The following MLLT3 variants were observed in gnomAD, a reference collection of about 807,000 sequenced individuals.
MLLT3 encodes the protein protein AF-9.
Under a neutral mutation model 53.2 loss-of-function variants are expected in MLLT3, and 4 were observed. The observed-to-expected ratio is 0.08, with a 90% CI of 0.04 to 0.17. MLLT3 has a LOEUF of 0.17. MLLT3 is among the 10% of genes least tolerant of loss of function. The pLI is 1.00. For missense variants in MLLT3, 569 were observed against 684.0 expected, an observed-to-expected ratio of 0.83 and a Z score of 1.87; for synonymous variants, 283 against 230.6, an observed-to-expected ratio of 1.23 and a Z score of -2.06.
chr9:20,587,379 C>G (rs58537607), intron 2 of MLLT3, among the ~76,000 whole-genome samples: 3,915 of 152,122 alleles, frequency 0.026, 160 homozygotes, highest in African/African-American at 0.089. Flanking sequence ...GATAAGAAAG[C>G]AGACACTCTT....
intron 2 of MLLT3, among the ~76,000 whole-genome samples, chr9:20,459,015 C>T (rs80281617): frequency 0.085 from 12,882 of 152,116 alleles, 1,544 homozygotes; most frequent in African/African-American, 0.26. Flanking sequence ...AGACAGCCTA[C>T]ATTTTCTCTC....
At chr9:20,518,197 T>A (rs1329511162) in intron 2 of MLLT3, among the ~76,000 whole-genome samples, 1 of 151,942 alleles carries the variant, frequency 6.6e-6, no homozygotes, top group African/African-American at 2.4e-5. Context: ...AATAAAAAAT[T>A]AGCCGGGCGT....
chr9:20,398,260 G>T (rs1009278734), intron 5 of MLLT3, among the ~76,000 whole-genome samples: 1 of 151,828 alleles, frequency 6.6e-6, no homozygotes, highest in Non-Finnish European at 1.5e-5. Context: ...TTATTTTTTA[G>T]TTTTTTTAGA....
intron 4 of MLLT3, among the ~76,000 whole-genome samples, chr9:20,443,347 A>G (rs1175667891): frequency 1.3e-5 from 2 of 152,208 alleles, no homozygotes; most frequent in Non-Finnish European, 1.5e-5. Context: ...TGCTGGTCAT[A>G]TATGTGAACT....
intron 5 of MLLT3, chr9:20,382,341 T>C (rs567029342): frequency 1.3e-5 from 2 of 152,050 alleles, no homozygotes; most frequent in South Asian, 4.2e-4. Context: ...AGTTTATCTT[T>C]AAAAATTAGA....
In MLLT3 at chr9:20,620,576, G is replaced by C. The variant is rs2073855; in HGVS notation, c.193+78C>G. ...GAGCGCGGCGCGGGGGGCGGGGAGC[G>C]GGACAGCGGGACCGCCCGGGCCAAG... On this transcript the variant is annotated intron_variant, in intron 2 of 10. Transcript: ENST00000380338. The surrounding 1 kb of genome is among the most constrained non-coding windows in gnomAD (Gnocchi z 6.1). 12 of 1,327,920 alleles carry C rather than the reference G, an allele frequency of 9.0e-6. No individual in the cohort carries two copies. The East Asian group carries it at 1.1e-4, about 12-fold the overall frequency. The allele number at this position is 1,327,920 out of a possible 1,614,324, so 82.3% of individuals were successfully genotyped here.
At chr9:20,609,899 C>T (rs903742645) in intron 2 of MLLT3, among the ~76,000 whole-genome samples, 2 of 151,990 alleles carry the variant, frequency 1.3e-5, no homozygotes, top group Non-Finnish European at 2.9e-5. Flanking sequence ...TATCATTCTC[C>T]GAACTACTAC....
In MLLT3 at chr9:20,527,385, T is replaced by C. The variant is rs539333282; in HGVS notation, c.194-70599A>G. On this transcript the variant is annotated intron_variant, in intron 2 of 10. Coordinates refer to ENST00000380338, the MANE Select transcript of MLLT3 (RefSeq NM_004529.4). ...TCTTTCCTAAGGTTCAAATCTTTAC[T>C]GGGCACAAAATAGGTTGGATAAAAA... Among the ~76,000 whole-genome samples, 2 of 152,324 alleles carry C rather than the reference T, an allele frequency of 1.3e-5. 1 individual carries two copies. Among genetic ancestry groups the C allele is most frequent in the African/African-American group, 4.8e-5 (2 of 41,586 alleles).
intron 2 of MLLT3, among the ~76,000 whole-genome samples, chr9:20,486,647 T>C (rs949961790): frequency 1.1e-4 from 16 of 152,172 alleles, no homozygotes; most frequent in Admixed American, 2.6e-4. Context: ...ACAATGCAAA[T>C]TGGTATCACC....
chr9:20,565,506 C>G (rs899203447), intron 2 of MLLT3, among the ~76,000 whole-genome samples: 13 of 152,036 alleles, frequency 8.6e-5, no homozygotes, highest in African/African-American at 3.1e-4. Context: ...GTCCTCCCCA[C>G]TCTCATAATC....
intron 2 of MLLT3, among the ~76,000 whole-genome samples, chr9:20,509,258 G>A (rs868589813): frequency 6.6e-6 from 1 of 152,106 alleles, no homozygotes; most frequent in African/African-American, 2.4e-5. Context: ...CAATCTTTTT[G>A]TTTTATGGTG....
At position 20,479,918 on chromosome 9, in the gene MLLT3, G is replaced by A. The variant is rs555269546; in HGVS notation, c.194-23132C>T. Among the ~76,000 whole-genome samples the A allele has an allele frequency of 1.4e-4, 21 of 152,266 alleles. No homozygotes were observed. In the South Asian group the frequency reaches 3.7e-3, roughly 27 times the overall value. Reference sequence around the variant, plus strand: ...ATGTGATACAACAGCTGAGTTATGTGAAAGTGTAAGTAGAAATTACCTAAT... The same window carrying A: ...ATGTGATACAACAGCTGAGTTATGTAAAAGTGTAAGTAGAAATTACCTAAT... On this transcript the variant is annotated intron_variant, in intron 2 of 10. Coordinates refer to ENST00000380338, the MANE Select transcript of MLLT3 (RefSeq NM_004529.4).
intron 4 of MLLT3, among the ~76,000 whole-genome samples, chr9:20,423,969 T>TAATGCAC: frequency 6.6e-6 from 1 of 152,138 alleles, no homozygotes; most frequent in Non-Finnish European, 1.5e-5. Context: ...AAACTCAAAA[T>TAATGCAC]AATGCACAAT....
chr9:20,355,051 A>G (rs1432668328), intron 8 of MLLT3, among the ~76,000 whole-genome samples, 172 bp from the exon 9 acceptor site: 1 of 151,628 alleles, frequency 6.6e-6, no homozygotes, highest in Non-Finnish European at 1.5e-5. Context: ...TTCCTTGGAA[A>G]ATGAATTACT....
At chr9:20,405,026 T>C (rs890631575) in intron 5 of MLLT3, among the ~76,000 whole-genome samples, 5 of 152,184 alleles carry the variant, frequency 3.3e-5, no homozygotes, top group Non-Finnish European at 7.3e-5. Context: ...GAGTGCAACC[T>C]TTAGATAATA....
At chr9:20,365,146 T>C (rs1821417918) in intron 6 of MLLT3, among the ~76,000 whole-genome samples, 1 of 152,222 alleles carries the variant, frequency 6.6e-6, no homozygotes, top group South Asian at 2.1e-4. Context: ...ATAATCCTTT[T>C]GTAGCAATGA....
intron 2 of MLLT3, among the ~76,000 whole-genome samples, chr9:20,582,535 A>G (rs1429997231): frequency 6.6e-6 from 1 of 152,146 alleles, no homozygotes; most frequent in Non-Finnish European, 1.5e-5. Context: ...GGCAATATGC[A>G]CTTGTATCAG....
At chr9:20,594,336 C>G (rs1374404797) in intron 2 of MLLT3, among the ~76,000 whole-genome samples, 1 of 152,168 alleles carries the variant, frequency 6.6e-6, no homozygotes, top group Non-Finnish European at 1.5e-5. Flanking sequence ...CTAATGCTTT[C>G]TGACTGAGCT....
chr9:20,362,757 G>C (rs1003781204), intron 7 of MLLT3: 88 of 137,066 alleles, frequency 6.4e-4, no homozygotes, highest in African/African-American at 2.6e-3. Context: ...CATAGTAATG[G>C]ATAACAGGGA....
Sources: gnomAD v4.1 joint callset for allele counts (sites outside exome capture counted in the v4.1 genomes callset) on GRCh38, gnomAD v4.1.1 for gene constraint, Gnocchi (gnomAD v3.1) non-coding constraint, MANE v1.5 for transcripts, NCBI Gene and HGNC (gene_info 2026-07-23, HGNC 2026-07-21) for gene names.